SMIM35: variants seen among roughly 807,000 people sequenced by gnomAD.
SMIM35 encodes the protein small integral membrane protein 35.
At chr11:118,053,392 T>C (rs999966077) in intron 1 of SMIM35, among the ~76,000 whole-genome samples, 1 of 151,518 alleles carries the variant, frequency 6.6e-6, no homozygotes, top group Non-Finnish European at 1.5e-5. Flanking sequence ...ACAGGGCAAA[T>C]GTTCCTTGAA....
chr11:118,062,349 T>A (rs891472121), intron 1 of SMIM35, among the ~76,000 whole-genome samples: 9 of 151,856 alleles, frequency 5.9e-5, no homozygotes, highest in African/African-American at 2.2e-4. Context: ...CAAACAAAAG[T>A]GGGTCAAGAG....
chr11:118,073,959 G>A (rs1166403900), intron 1 of SMIM35, among the ~76,000 whole-genome samples: 2 of 152,230 alleles, frequency 1.3e-5, no homozygotes, highest in South Asian at 2.1e-4. Context: ...AGAATCTGGT[G>A]TGCATAGAGC....
At chr11:118,030,512 A>C (rs1360881175) in intron 1 of SMIM35, among the ~76,000 whole-genome samples, 2 of 152,216 alleles carry the variant, frequency 1.3e-5, no homozygotes, top group African/African-American at 4.8e-5. Context: ...AAAGAACTTA[A>C]AGAATAGAAT....
intron 4 of SMIM35, among the ~76,000 whole-genome samples, chr11:118,013,211 G>T (rs144294928): frequency 7.4e-4 from 113 of 152,334 alleles, no homozygotes; most frequent in South Asian, 4.1e-3. Context: ...GGGGATGAGG[G>T]CAGTCCAGGG....
chr11:118,086,463 C>T (rs543001523), intron 1 of SMIM35, among the ~76,000 whole-genome samples: 7 of 152,386 alleles, frequency 4.6e-5, no homozygotes, highest in African/African-American at 1.7e-4. Flanking sequence ...GGAAAAAGTG[C>T]TGCTCTAATA....
chr11:118,048,761 T>C (rs1270034969), intron 1 of SMIM35, among the ~76,000 whole-genome samples: 2 of 150,928 alleles, frequency 1.3e-5, no homozygotes, highest in African/African-American at 2.4e-5. Flanking sequence ...GGCCCTAGAT[T>C]AAACACATGA....
intron 1 of SMIM35, among the ~76,000 whole-genome samples, chr11:118,079,748 T>TTGGCTGGG (rs1944983263): frequency 6.6e-6 from 1 of 151,818 alleles, no homozygotes; most frequent in Non-Finnish European, 1.5e-5. Flanking sequence ...TTGGCTGGGC[T>TTGGCTGGG]CAGAAACGTG....
intron 1 of SMIM35, among the ~76,000 whole-genome samples, chr11:118,061,271 C>T (rs1228935013): frequency 3.9e-5 from 6 of 152,238 alleles, no homozygotes; most frequent in Non-Finnish European, 7.3e-5. Context: ...GACCCAGCTT[C>T]AAACCCCAGT....
chr11:118,052,598 A>G (rs1439237107), intron 1 of SMIM35, among the ~76,000 whole-genome samples: 1 of 152,048 alleles, frequency 6.6e-6, no homozygotes, highest in African/African-American at 2.4e-5. Context: ...GCTCCCACAT[A>G]GAATGCTTCT....
At chr11:118,031,022 T>TA (rs1340102253) in intron 1 of SMIM35, among the ~76,000 whole-genome samples, 1 of 152,010 alleles carries the variant, frequency 6.6e-6, no homozygotes, top group Non-Finnish European at 1.5e-5. Context: ...TCAATATCAA[T>TA]ATCGATGTTG....
At chr11:118,071,673 T>C (rs568629838) in intron 1 of SMIM35, among the ~76,000 whole-genome samples, 1 of 152,302 alleles carries the variant, frequency 6.6e-6, no homozygotes, top group African/African-American at 2.4e-5. Context: ...GGAAGAACCA[T>C]AGGCTCTGCT....
At chr11:118,041,967 C>T (rs1455762333) in intron 1 of SMIM35, among the ~76,000 whole-genome samples, 4 of 150,300 alleles carry the variant, frequency 2.7e-5, no homozygotes, top group Non-Finnish European at 4.4e-5. Context: ...AGGAGAATAG[C>T]TTGAACCTGG....
At chr11:118,045,855 G>A (rs1432176182) in intron 1 of SMIM35, among the ~76,000 whole-genome samples, 1 of 152,320 alleles carries the variant, frequency 6.6e-6, no homozygotes, top group East Asian at 1.9e-4. Context: ...AGTGTGTGAT[G>A]ACGGAAAAAG....
In SMIM35 at chr11:118,064,841, C is replaced by T. The variant is rs369672587; in HGVS notation, c.7+21910G>A. Reference sequence around the variant, plus strand: ...GTAATTTTTAGTAGAGATAGGGTTTCGCTATATCACCCAAGCTGGTCTCAT... The same window carrying T: ...GTAATTTTTAGTAGAGATAGGGTTTTGCTATATCACCCAAGCTGGTCTCAT... On this transcript the variant is annotated intron_variant, in intron 1 of 4. Transcript: ENST00000689828. Among the ~76,000 whole-genome samples, 8 of 152,298 alleles carry T rather than the reference C, an allele frequency of 5.3e-5. No homozygotes were observed. In the South Asian group the frequency reaches 1.0e-3, roughly 20 times the overall value.
chr11:118,047,774 G>A (rs982317325), intron 1 of SMIM35, among the ~76,000 whole-genome samples: 4 of 152,224 alleles, frequency 2.6e-5, no homozygotes, highest in Non-Finnish European at 5.9e-5. Flanking sequence ...TCAAGGCAAA[G>A]CTTCCTTTAC....
At chr11:118,017,163 C>T (rs2135025261) in intron 1 of SMIM35, among the ~76,000 whole-genome samples, 1 of 152,132 alleles carries the variant, frequency 6.6e-6, no homozygotes, top group South Asian at 2.1e-4. Flanking sequence ...AATCTCCAGC[C>T]CAGAGAGATG....
chr11:118,027,344 G>A (rs1177655949), intron 1 of SMIM35, among the ~76,000 whole-genome samples: 7 of 151,090 alleles, frequency 4.6e-5, no homozygotes, highest in Non-Finnish European at 1.0e-4. Context: ...TTTTTTGCGT[G>A]GTAGATTTTA....
intron 1 of SMIM35, chr11:118,067,548 A>AT (rs1402436232): frequency 1.3e-5 from 2 of 152,024 alleles, no homozygotes; most frequent in African/African-American, 4.8e-5. Flanking sequence ...CTTAAAAAAA[A>AT]ATTGGCTGGG....
intron 1 of SMIM35, among the ~76,000 whole-genome samples, chr11:118,044,532 G>C (rs756815716): frequency 1.3e-5 from 2 of 152,018 alleles, no homozygotes; most frequent in Non-Finnish European, 2.9e-5. Flanking sequence ...TGGGTGCGGT[G>C]ATTCATGCCT....
Sources: allele counts gnomAD v4.1 joint callset (sites outside exome capture counted in the v4.1 genomes callset), GRCh38; gene constraint gnomAD v4.1.1; transcripts MANE v1.5; gene names NCBI Gene and HGNC (gene_info 2026-07-23, HGNC 2026-07-21).